Variants in LRP8 observed in about 807,000 individuals in gnomAD.
The protein encoded by LRP8 is low-density lipoprotein receptor-related protein 8.
In LRP8, 46 loss-of-function variants were observed where a neutral mutation model predicts 111.6. The ratio of observed to expected loss-of-function variants is 0.41; its 90% CI spans 0.33 to 0.53. The LOEUF (loss-of-function observed/expected upper bound fraction) is 0.53. LRP8 is among the 20% of genes least tolerant of loss of function. The pLI is 0.20. For missense variants in LRP8, 959 were observed against 1,297.4 expected (o/e 0.74, Z 4.01); for synonymous variants, 464 against 511.2 (o/e 0.91, Z 1.24).
chr1:53,314,043 G>A (rs1653456966), intron 2 of LRP8, among the ~76,000 whole-genome samples: 1 of 152,118 alleles, frequency 6.6e-6, no homozygotes, highest in Admixed American at 6.5e-5. Context: ...CCTATTCAAG[G>A]TGAGGCCTTG....
rs1645667950 is a variant in LRP8 at position 53,242,887 on chromosome 1, A to T, written c.*4131T>A. ...CACACACACACGTGGCTTTTTAAAA[A>T]TTACTTTTTTATAGCACAAAGTGTT... On this transcript the variant is annotated 3_prime_UTR_variant, in exon 19 of 19. Coordinates refer to ENST00000306052, the MANE Select transcript of LRP8 (RefSeq NM_004631.5). The T allele has an allele frequency of 6.6e-6, 1 of 151,270 alleles. No individual in the cohort carries two copies. Among genetic ancestry groups the T allele is most frequent in the Admixed American group, 6.6e-5 (1 of 15,168 alleles). 9.4% of individuals were successfully genotyped at this position (151,270 alleles called of 1,614,324 possible). A position where few individuals can be genotyped will look rare whatever the true frequency, so the allele number is the denominator to read the frequency against.
chr1:53,301,766 T>C (rs903314651), intron 2 of LRP8, among the ~76,000 whole-genome samples: 7 of 150,472 alleles, frequency 4.7e-5, no homozygotes, highest in Admixed American at 2.0e-4. Context: ...CCCAAGGTCA[T>C]GTAGCTTGAG....
At chr1:53,248,117 A>G (rs531727158) in intron 18 of LRP8, among the ~76,000 whole-genome samples, 3 of 152,352 alleles carry the variant, frequency 2.0e-5, no homozygotes, top group East Asian at 1.9e-4. Flanking sequence ...AGTACCTAAC[A>G]ACACATAGGG....
At chr1:53,269,985 T>A (rs974936213) in intron 8 of LRP8, among the ~76,000 whole-genome samples, 1 of 152,186 alleles carries the variant, frequency 6.6e-6, no homozygotes, top group Non-Finnish European at 1.5e-5. Flanking sequence ...TTGTGTGGAC[T>A]CCATATGCTG....
At chr1:53,327,017 T>A in intron 1 of LRP8, 25 bp from the exon 2 acceptor site, 1 of 1,609,612 alleles carries the variant, frequency 6.2e-7, no homozygotes, top group Non-Finnish European at 8.5e-7. Flanking sequence ...GAGCGTGAGC[T>A]GGATCAGCGG....
rs1646134939 is a variant in LRP8 at position 53,257,368 on chromosome 1, G to A, written c.2306C>T (p.Thr769Ile). The A allele has an allele frequency of 1.2e-6, 2 of 1,614,084 alleles. No homozygotes were observed. Among genetic ancestry groups the A allele is most frequent in the African/African-American group, 2.7e-5 (2 of 74,926 alleles). Residue 769 changes from threonine (T) to isoleucine (I), a missense_variant, in exon 15 of 19, where the codon ACC (threonine) becomes ATC (isoleucine). Thr to Ile is a moderately conservative substitution (Grantham distance 89). This residue lies in a region of LRP8 where 819 missense variants were observed against 1,097.6 expected (regional missense o/e 0.75). Coordinates refer to ENST00000306052, the MANE Select transcript of LRP8 (RefSeq NM_004631.5). ...TGTCTCTGTGCTGTGGTTCTGGTAG[G>A]TGGATCTGTGGACGGTGGTCCCGGG... ...RAPGTTVHRS[T>I]YQNHSTETPS... is the part of the protein sequence containing the mutation.
intron 13 of LRP8, among the ~76,000 whole-genome samples, chr1:53,259,694 G>A (rs1233197913): frequency 1.3e-5 from 2 of 152,000 alleles, no homozygotes; most frequent in Non-Finnish European, 1.5e-5. Flanking sequence ...GGATCCTCCT[G>A]CCTCAGCCTC....
In LRP8 at chr1:53,303,029, G is replaced by T. The variant is rs1651274416; in HGVS notation, c.245-13340C>A. ...TCAGCTTCCTCAACAATAAAATGGG[G>T]CTAACCACCTCAGAGGGTGGGAATT... On this transcript the variant is annotated intron_variant, in intron 2 of 18. Coordinates refer to ENST00000306052, the MANE Select transcript of LRP8 (RefSeq NM_004631.5). This position sits in a 1 kb window ranked among gnomAD's most constrained non-coding sequence, Gnocchi z 4.3. Among the ~76,000 whole-genome samples, 2 of 152,106 alleles carry T rather than the reference G, an allele frequency of 1.3e-5. No homozygotes were observed. The highest frequency in any genetic ancestry group is 4.8e-5 in the African/African-American group (2 of 41,408).
chr1:53,311,193 AC>A (rs902437751), intron 2 of LRP8, among the ~76,000 whole-genome samples: 7 of 151,660 alleles, frequency 4.6e-5, no homozygotes, highest in Admixed American at 6.6e-5. Flanking sequence ...GCCCCTGCCC[AC>A]CCCCAACACC....
At chr1:53,272,761 T>C (rs1233031506) in intron 6 of LRP8, 1 of 821,576 alleles carries the variant, frequency 1.2e-6, no homozygotes, top group Non-Finnish European at 1.8e-6. Flanking sequence ...AGCTCCCACC[T>C]CTAGGAATCT....
At position 53,246,983 on chromosome 1, in the gene LRP8, G is replaced by T; in HGVS notation, c.*35C>A. On this transcript the variant is annotated 3_prime_UTR_variant, in exon 19 of 19. Transcript: ENST00000306052. ...CATCCAGAGTGTAGTGCATGGGACT[G>T]AATTCCATGAGGCACGAAGGGGGTG... 6.3e-7 allele frequency: 1 copy of T among 1,598,460 alleles called. No homozygotes were observed. The highest frequency in any genetic ancestry group is 8.5e-7 in the Non-Finnish European group (1 of 1,169,806).
intron 3 of LRP8, among the ~76,000 whole-genome samples, chr1:53,283,255 G>A (rs921876285): frequency 6.6e-6 from 1 of 152,078 alleles, no homozygotes; most frequent in Non-Finnish European, 1.5e-5. Context: ...TGAGGAACGG[G>A]CCCTCACCAG....
chr1:53,302,697 C>CTT (rs35419399), intron 2 of LRP8, among the ~76,000 whole-genome samples: 59,970 of 141,446 alleles, frequency 0.42, 12,998 homozygotes, highest in East Asian at 0.67. Flanking sequence ...CAATCAATGC[C>CTT]TTTTTTTTTT....
Position 53,257,332 on chromosome 1 carries a change from G to A in LRP8, c.2342C>T (p.Thr781Ile), listed in dbSNP as rs143237642. Residue 781 changes from threonine (T) to isoleucine (I), a missense_variant, in exon 15 of 19, where the codon ACA becomes ATA. Thr to Ile is a moderately conservative substitution (Grantham distance 89). Around this residue, in one of 3 missense-constraint regions of LRP8, gnomAD observed 819 missense variants for 1,097.6 expected, o/e 0.75. Coordinates refer to ENST00000306052, the MANE Select transcript of LRP8 (RefSeq NM_004631.5). ...ACTAACTGAGCTTGGGACTGCAGCT[G>A]TCAGGCTTGGTGTCTCTGTGCTGTG... ...QNHSTETPSL[T>I]AAVPSSVSVP... 1.9e-6 allele frequency: 3 copies of A among 1,614,070 alleles called. No individual in the cohort carries two copies. The highest frequency in any genetic ancestry group is 1.3e-5 in the African/African-American group (1 of 74,920).
rs1645705743 is a variant in LRP8, at chr1:53,245,545, T to C, written c.*1473A>G. ...CTATAATGAAGAACATCTATACATA[T>C]ACCCGGAGTTTTTCCTTTTATTTAC... On this transcript the variant is annotated 3_prime_UTR_variant, in exon 19 of 19. Coordinates refer to ENST00000306052, the MANE Select transcript of LRP8 (RefSeq NM_004631.5). 6.6e-6 allele frequency: 1 copy of C among 152,330 alleles called. No individual in the cohort carries two copies. Among genetic ancestry groups the C allele is most frequent in the South Asian group, 2.1e-4 (1 of 4,828 alleles). 9.4% of individuals were successfully genotyped at this position (152,330 alleles called of 1,614,324 possible).
chr1:53,312,724 C>T (rs1653231231), intron 2 of LRP8, among the ~76,000 whole-genome samples: 1 of 152,092 alleles, frequency 6.6e-6, no homozygotes, highest in South Asian at 2.1e-4. Context: ...ATGGGGAGGA[C>T]CTCCTGGGGA....
intron 2 of LRP8, chr1:53,305,501 G>C (rs1174773632): frequency 2.0e-5 from 3 of 152,240 alleles, no homozygotes; most frequent in African/African-American, 4.8e-5. Context: ...TGGGCCACCT[G>C]GTTCTTCTGT....
rs1054849438 is a variant in LRP8 at position 53,294,881 on chromosome 1, C to T, written c.245-5192G>A. Among the ~76,000 whole-genome samples the T allele has an allele frequency of 1.2e-4, 18 of 152,228 alleles. No homozygotes were observed. Among genetic ancestry groups the T allele is most frequent in the African/African-American group, 4.1e-4 (17 of 41,462 alleles). ...CCCACCCACACGCATCGTGGAGCCC[C>T]GGTGCAGAGAGAAGGCTCCAAAATA... On this transcript the variant is annotated intron_variant, in intron 2 of 18. Transcript: ENST00000306052. The surrounding 1 kb of genome is among the most constrained non-coding windows in gnomAD (Gnocchi z 4.1).
intron 8 of LRP8, chr1:53,267,017 T>G: frequency 5.2e-6 from 1 of 191,590 alleles, no homozygotes; most frequent in South Asian, 1.2e-4. Flanking sequence ...CAGATACCAT[T>G]ACCTAGCCAT....
Sources: gnomAD v4.1 joint callset for allele counts (sites outside exome capture counted in the v4.1 genomes callset) on GRCh38, gnomAD v4.1.1 for gene constraint, gnomAD v4.1.1 regional missense constraint, Gnocchi (gnomAD v3.1) non-coding constraint, MANE v1.5 for transcripts, NCBI Gene and HGNC (gene_info 2026-07-23, HGNC 2026-07-21) for gene names.